The following DDX59 variants were observed in gnomAD, a reference collection of about 807,000 sequenced individuals.
The protein encoded by DDX59 is probable ATP-dependent RNA helicase DDX59.
DDX59 carries 30 observed loss-of-function variants against 51.9 expected under a neutral mutation model. The ratio of observed to expected loss-of-function variants is 0.58; its 90% CI spans 0.43 to 0.78. The LOEUF (loss-of-function observed/expected upper bound fraction) is 0.78. DDX59 is among the 30% of genes least tolerant of loss of function. The probability of loss-of-function intolerance (pLI) is 0.00; values close to 1 mark genes in which losing one functional copy is unlikely to be tolerated. For synonymous variants in DDX59, 255 were observed against 253.3 expected (o/e 1.01, Z -0.06); for missense variants, 672 against 730.8 (o/e 0.92, Z 0.93).
In DDX59 at chr1:200,664,094, G is replaced by A. The variant is rs1242908955; in HGVS notation, c.805-8C>T. 1.2e-6 allele frequency: 2 copies of A among 1,604,568 alleles called. No individual in the cohort carries two copies. The highest frequency in any genetic ancestry group is 1.3e-5 in the African/African-American group (1 of 74,450). ...CGCAGATGGAGTTTTGCTCTGCAAA[G>A]ATGTGAAAAACAAGTTTAAAAACAC... On this transcript the variant is annotated splice_region_variant and splice_polypyrimidine_tract_variant and intron_variant, in intron 2 of 7. Transcript: ENST00000331314.
At chr1:200,667,853 TTACA>T (rs1387086412) in intron 1 of DDX59, among the ~76,000 whole-genome samples, 5 of 152,050 alleles carry the variant, frequency 3.3e-5, no homozygotes, top group African/African-American at 4.8e-5. Flanking sequence ...ACTAGGTATA[TTACA>T]TAGAGTAATA....
At chr1:200,658,323 T>C (rs886599208) in intron 4 of DDX59, among the ~76,000 whole-genome samples, 1 of 151,776 alleles carries the variant, frequency 6.6e-6, no homozygotes, top group African/African-American at 2.4e-5. Context: ...GCCAAAAGTA[T>C]AAAAATGCCT....
At chr1:200,656,369 T>C (rs12407861) in intron 4 of DDX59, among the ~76,000 whole-genome samples, 12 of 152,230 alleles carry the variant, frequency 7.9e-5, no homozygotes, top group Non-Finnish European at 1.5e-4. Context: ...TGTATCTCTG[T>C]ACATATGATA....
intron 5 of DDX59, 58 bp from the exon 6 acceptor site, chr1:200,649,284 AGT>A: frequency 7.0e-7 from 1 of 1,426,374 alleles, no homozygotes; most frequent in East Asian, 2.6e-5. Context: ...TACAATGGGA[AGT>A]TTTTCTGAAA....
intron 6 of DDX59, 146 bp downstream of exon 6, chr1:200,648,928 T>C (rs1661469457): frequency 2.4e-6 from 2 of 838,784 alleles, no homozygotes; most frequent in Non-Finnish European, 3.5e-6. Flanking sequence ...CAAGAGAACA[T>C]TAACTTCATG....
intron 4 of DDX59, among the ~76,000 whole-genome samples, chr1:200,658,758 TA>T (rs959749323): frequency 8.6e-5 from 13 of 151,178 alleles, no homozygotes; most frequent in African/African-American, 1.5e-4. Flanking sequence ...ATCAAATGCT[TA>T]AAAAAAAACA....
intron 5 of DDX59, 123 bp downstream of exon 5, chr1:200,650,302 G>T: frequency 9.2e-7 from 1 of 1,081,468 alleles, no homozygotes. Context: ...GGTAGGTAAA[G>T]CAATTTATTA....
rs1408610902 is a variant in DDX59 at position 200,659,045 on chromosome 1, C to T, written c.1044G>A (p.Lys348=). Reference sequence around the variant, plus strand: ...TACTTACTTCATCTACTACCACAATCTTTACACCACAGAGTTCTACAGAGC... The same window carrying T: ...TACTTACTTCATCTACTACCACAATTTTTACACCACAGAGTTCTACAGAGC... ...KQSSVELCGV[K]IVVVDEADTM... The change falls in exon 4 of 8, where the codon AAG becomes AAA. Residue 348 remains lysine, a synonymous_variant. Transcript: ENST00000331314. The T allele has an allele frequency of 1.9e-6, 3 of 1,612,756 alleles. No homozygotes were observed. The highest frequency in any genetic ancestry group is 2.5e-6 in the Non-Finnish European group (3 of 1,179,472).
chr1:200,660,911 C>T (rs1662334453), intron 3 of DDX59, among the ~76,000 whole-genome samples: 1 of 152,192 alleles, frequency 6.6e-6, no homozygotes, highest in Admixed American at 6.5e-5. Flanking sequence ...CAATCCCTGG[C>T]AGACGCCCAG....
intron 4 of DDX59, among the ~76,000 whole-genome samples, chr1:200,651,929 A>G (rs1571621046): frequency 6.6e-6 from 1 of 150,650 alleles, no homozygotes; most frequent in Non-Finnish European, 1.5e-5. Context: ...GATGGCGTGA[A>G]CCCGAGAGGC....
Position 200,644,424 on chromosome 1 carries a change from C to T in DDX59, c.1690G>A (p.Val564Ile), listed in dbSNP as rs1661164883. The T allele has an allele frequency of 1.2e-6, 2 of 1,613,516 alleles. No homozygotes were observed. The highest frequency in any genetic ancestry group is 1.3e-5 in the African/African-American group (1 of 74,866). The change falls in exon 8 of 8, where the codon GTA becomes ATA. Residue 564 changes from valine (V) to isoleucine (I), a missense_variant. Coordinates refer to ENST00000331314, the MANE Select transcript of DDX59 (RefSeq NM_001031725.6). ...KRLFWDIAKRVKPTGSILPPQ... is the reference protein window; with the variant it reads ...KRLFWDIAKRIKPTGSILPPQ... The stretch of plus-strand genomic sequence containing the variant: ...GGAAGAATGGATCCTGTGGGCTTTA[C>T]TCGTTTTGCAATATCCCAGAAGAGT...
At chr1:200,652,830 GCCACCGTGC>G (rs1445171852) in intron 4 of DDX59, among the ~76,000 whole-genome samples, 3 of 151,958 alleles carry the variant, frequency 2.0e-5, no homozygotes, top group Non-Finnish European at 4.4e-5. Flanking sequence ...ACAGGCATGT[GCCACCGTGC>G]CCGGCTAATT....
chr1:200,655,006 T>C (rs1233481234), intron 4 of DDX59: 3 of 152,148 alleles, frequency 2.0e-5, no homozygotes, highest in African/African-American at 7.2e-5. Flanking sequence ...AGAGAAACCA[T>C]ACGTTTCATG....
At chr1:200,651,804 C>T (rs991065751) in intron 4 of DDX59, among the ~76,000 whole-genome samples, 8 of 151,994 alleles carry the variant, frequency 5.3e-5, no homozygotes, top group Non-Finnish European at 8.8e-5. Context: ...GTCAGGAGAT[C>T]GAGACCATCC....
intron 7 of DDX59, among the ~76,000 whole-genome samples, chr1:200,645,100 G>A (rs926399555): frequency 1.3e-5 from 2 of 152,156 alleles, no homozygotes; most frequent in Middle Eastern, 3.4e-3. Flanking sequence ...TTGTGTTTTA[G>A]TTATACCTGT....
intron 1 of DDX59, 61 bp downstream of exon 1, chr1:200,669,706 C>G (rs1663042774): frequency 1.3e-5 from 2 of 152,644 alleles, no homozygotes; most frequent in Middle Eastern, 6.8e-3. Context: ...GCCTAGCGCC[C>G]CAGGTCCCGG....
intron 1 of DDX59, among the ~76,000 whole-genome samples, chr1:200,668,962 T>C (rs1281829516): frequency 6.6e-6 from 1 of 152,210 alleles, no homozygotes; most frequent in African/African-American, 2.4e-5. Flanking sequence ...TTAAATGTAT[T>C]TGATGTCTCA....
rs1661141888 is a variant in DDX59 at position 200,644,151 on chromosome 1, AT to A, written c.*102del. On this transcript the variant is annotated 3_prime_UTR_variant, in exon 8 of 8. Transcript: ENST00000331314. ...TTATATAAATTTTATTAAATTAAAA[AT>A]ATCTTAAAATTTTTAAAATTCATGT... 1.1e-6 allele frequency: 1 copy of A among 924,290 alleles called. No individual in the cohort carries two copies. The highest frequency in any genetic ancestry group is 1.4e-6 in the Non-Finnish European group (1 of 711,990). The allele number at this position is 924,290 out of a possible 1,614,324, so 57.3% of individuals were successfully genotyped here.
intron 1 of DDX59, among the ~76,000 whole-genome samples, chr1:200,668,644 G>A (rs547465669): frequency 6.6e-6 from 1 of 152,246 alleles, no homozygotes; most frequent in African/African-American, 2.4e-5. Flanking sequence ...TCTCTTGCAG[G>A]AAAAATCTGC....
Sources: allele counts gnomAD v4.1 joint callset (sites outside exome capture counted in the v4.1 genomes callset), GRCh38; gene constraint gnomAD v4.1.1; transcripts MANE v1.5; gene names NCBI Gene and HGNC (gene_info 2026-07-23, HGNC 2026-07-21).